The following COL27A1 variants were observed in gnomAD, a reference collection of about 807,000 sequenced individuals.
COL27A1 encodes the protein collagen alpha-1(XXVII) chain.
Under a neutral mutation model 251.3 loss-of-function variants are expected in COL27A1, and 106 were observed. That is an observed-to-expected ratio of 0.42 (90% CI 0.36 to 0.50). COL27A1 has a LOEUF of 0.50. Among genes scored for constraint, COL27A1 ranks in the 20% least tolerant of loss-of-function variants. COL27A1 has a pLI of 0.00. For synonymous variants in COL27A1, 1,000 were observed against 986.3 expected (o/e 1.01, Z -0.26); for missense variants, 2,325 against 2,522.8 (o/e 0.92, Z 1.68).
At chr9:114,177,300 G>T (rs1273084708) in intron 3 of COL27A1, among the ~76,000 whole-genome samples, 1 of 152,196 alleles carries the variant, frequency 6.6e-6, no homozygotes, top group African/African-American at 2.4e-5. Context: ...AAGAGATGAG[G>T]ACACACAGAT....
intron 40 of COL27A1, among the ~76,000 whole-genome samples, chr9:114,284,252 T>C (rs879284754): frequency 6.6e-6 from 1 of 152,278 alleles, no homozygotes; most frequent in Admixed American, 6.5e-5. Flanking sequence ...GCCCTGGTCC[T>C]TGTGGCTCTA....
chr9:114,308,617 C>A (rs1829229280), intron 59 of COL27A1, among the ~76,000 whole-genome samples: 1 of 152,230 alleles, frequency 6.6e-6, no homozygotes, highest in African/African-American at 2.4e-5. Flanking sequence ...GGCTCTCTTC[C>A]CTGGTGACTC....
chr9:114,301,132 GT>G lies in COL27A1; in HGVS notation c.4755+8del. On this transcript the variant is annotated splice_region_variant and intron_variant, in intron 52 of 60. Transcript: ENST00000356083. ...GGGACCTTCGGGACTCCCGGTATGT[GT>G]GGGGATTGGACAGGAAGACTCCGGG... is the stretch of plus-strand genomic sequence containing the variant. 1 of 1,613,826 alleles carries G rather than the reference GT, an allele frequency of 6.2e-7. No individual in the cohort carries two copies. Among genetic ancestry groups the G allele is most frequent in the Non-Finnish European group, 8.5e-7 (1 of 1,179,818 alleles).
rs567134450 is a variant in COL27A1 at position 114,192,236 on chromosome 9, G to C, written c.2017-2168G>C. On this transcript the variant is annotated intron_variant, in intron 5 of 60. Transcript: ENST00000356083. ...ATGGGATACCTGAAGGCCCAGCCCT[G>C]AAAGCTTGTTAAGCCCAGCTCCTCT... is the stretch of plus-strand genomic sequence containing the variant. 2.6e-5 allele frequency among the ~76,000 whole-genome samples: 4 copies of C among 152,304 alleles called. No homozygotes were observed. In the East Asian group the frequency reaches 7.7e-4, roughly 29 times the overall value.
At chr9:114,233,805 C>G (rs1296061042) in intron 16 of COL27A1, among the ~76,000 whole-genome samples, 1 of 152,084 alleles carries the variant, frequency 6.6e-6, no homozygotes, top group Non-Finnish European at 1.5e-5. Context: ...TTTTCATGCC[C>G]ATAGTTTTTA....
intron 12 of COL27A1, among the ~76,000 whole-genome samples, chr9:114,213,805 A>G (rs774017055): frequency 6.6e-6 from 1 of 152,206 alleles, no homozygotes; most frequent in Non-Finnish European, 1.5e-5. Flanking sequence ...ATTTGTCCAT[A>G]GACACTCTGA....
intron 27 of COL27A1, among the ~76,000 whole-genome samples, chr9:114,255,643 C>G (rs74346788): frequency 0.081 from 12,366 of 152,208 alleles, 929 homozygotes; most frequent in African/African-American, 0.2. Context: ...GCTTCCCCCT[C>G]TTCAGTGGGT....
At chr9:114,247,614 C>T (rs1043555036) in intron 24 of COL27A1, among the ~76,000 whole-genome samples, 8 of 152,176 alleles carry the variant, frequency 5.3e-5, no homozygotes, top group Admixed American at 5.2e-4. Context: ...CTGGAGCAGC[C>T]CAGTCTCATT....
At chr9:114,244,400 A>G (rs1832971544) in intron 23 of COL27A1, among the ~76,000 whole-genome samples, 1 of 152,236 alleles carries the variant, frequency 6.6e-6, no homozygotes, top group African/African-American at 2.4e-5. Context: ...AAAAAATGTT[A>G]TCAAAAAAGA....
rs774568783 is a variant in COL27A1 at position 114,169,451 on chromosome 9, C to T, written c.1896C>T (p.Asp632=). 6.5e-7 allele frequency: 1 copy of T among 1,536,856 alleles called. No homozygotes were observed. Among genetic ancestry groups the T allele is most frequent in the Admixed American group, 2.0e-5 (1 of 49,216 alleles). The part of the protein sequence containing the change: ...LLMGPPGPKG[D]CGLPGPPGLP... ...TGGGGCCTCCGGGACCCAAGGGAGACTGTGGCTTGCCGGTAAGACTGAGTG... is the reference window on the plus strand; with the variant it reads ...TGGGGCCTCCGGGACCCAAGGGAGATTGTGGCTTGCCGGTAAGACTGAGTG... The change falls in exon 3 of 61, where the codon GAC becomes GAT. Residue 632 remains aspartate, a synonymous_variant. Transcript: ENST00000356083.
At chr9:114,298,675 A>C (rs1176788787) in intron 49 of COL27A1, among the ~76,000 whole-genome samples, 1 of 152,216 alleles carries the variant, frequency 6.6e-6, no homozygotes, top group East Asian at 1.9e-4. Flanking sequence ...ACCAATGTAA[A>C]GGCTAAAACT....
chr9:114,209,833 G>C, intron 11 of COL27A1, 105 bp downstream of exon 11: 1 of 1,108,916 alleles, frequency 9.0e-7, no homozygotes, highest in Admixed American at 1.8e-5. Flanking sequence ...TCCTCCTGGA[G>C]GAGGTGCACT....
intron 21 of COL27A1, among the ~76,000 whole-genome samples, chr9:114,241,515 T>G (rs976763935): frequency 1.3e-5 from 2 of 151,356 alleles, no homozygotes; most frequent in Non-Finnish European, 2.9e-5. Flanking sequence ...CCTGTGGGGG[T>G]GGGGAGCACC....
chr9:114,289,230 C>T lies in COL27A1; in HGVS notation c.4153-12C>T, dbSNP rs781473130. 6.3e-7 allele frequency: 1 copy of T among 1,587,136 alleles called. No homozygotes were observed. The highest frequency in any genetic ancestry group is 8.6e-7 in the Non-Finnish European group (1 of 1,167,530). ...CTGGGGCTGCCTTGCGTCATCTCAC[C>T]TTGGTTTGCAGGGGCATCCGGGACC... On this transcript the variant is annotated splice_polypyrimidine_tract_variant and intron_variant, in intron 44 of 60. Transcript: ENST00000356083.
At chr9:114,198,598 C>T (rs542397076) in intron 7 of COL27A1, among the ~76,000 whole-genome samples, 8 of 152,200 alleles carry the variant, frequency 5.3e-5, no homozygotes, top group Middle Eastern at 3.2e-3. Flanking sequence ...GGCTAGGATT[C>T]GAACCCAGGT....
chr9:114,209,868 G>A (rs955500281), intron 11 of COL27A1, 140 bp downstream of exon 11: 8 of 770,538 alleles, frequency 1.0e-5, no homozygotes, highest in Non-Finnish European at 1.8e-5. Flanking sequence ...GTCTGATAAG[G>A]GGACAAGTCA....
chr9:114,251,882 C>A (rs1316051361), intron 25 of COL27A1, among the ~76,000 whole-genome samples: 1 of 152,254 alleles, frequency 6.6e-6, no homozygotes, highest in Non-Finnish European at 1.5e-5. Flanking sequence ...CCTCACTGCA[C>A]TGTGTCTCCT....
chr9:114,310,399 A>G (rs902426635), intron 60 of COL27A1, 150 bp from the exon 61 acceptor site: 8 of 749,250 alleles, frequency 1.1e-5, no homozygotes, highest in South Asian at 1.7e-5. Context: ...AAAAGAGTGG[A>G]AGCAATCTAA....
chr9:114,172,598 G>A (rs1164077709), intron 3 of COL27A1, among the ~76,000 whole-genome samples: 1 of 152,142 alleles, frequency 6.6e-6, no homozygotes, highest in Non-Finnish European at 1.5e-5. Flanking sequence ...TTGAGGCCAG[G>A]AGTTCGCCAA....
Sources: gnomAD v4.1 joint callset for allele counts (sites outside exome capture counted in the v4.1 genomes callset) on GRCh38, gnomAD v4.1.1 for gene constraint, MANE v1.5 for transcripts, NCBI Gene and HGNC (gene_info 2026-07-23, HGNC 2026-07-21) for gene names.